CNTLN: variants seen among roughly 807,000 people sequenced by gnomAD.
CNTLN encodes centlein, centrosomal protein.
Under a neutral mutation model 180.0 loss-of-function variants are expected in CNTLN, and 212 were observed. The ratio of observed to expected loss-of-function variants is 1.18; its 90% confidence interval spans 1.05 to 1.32. The LOEUF is 1.32. Ranked by LOEUF, CNTLN falls within the 40% of genes most tolerant of loss-of-function variation. CNTLN has a pLI of 0.00. For missense variants in CNTLN, 2,095 were observed against 1,610.9 expected (o/e 1.30, Z -5.14); for synonymous variants, 722 against 563.1 (o/e 1.28, Z -3.99).
chr9:17,151,842 G>C (rs930309069), intron 2 of CNTLN, among the ~76,000 whole-genome samples: 14 of 152,138 alleles, frequency 9.2e-5, no homozygotes, highest in Non-Finnish European at 1.9e-4. Context: ...TTCAGAACTT[G>C]TTATTGGTCT....
intron 2 of CNTLN, among the ~76,000 whole-genome samples, chr9:17,152,834 C>T (rs1229586948): frequency 6.6e-6 from 1 of 152,186 alleles, no homozygotes. Context: ...TTTTATGAAT[C>T]TGGGTGTTCC....
chr9:17,149,580 C>T (rs1220006479), intron 2 of CNTLN, among the ~76,000 whole-genome samples: 3 of 140,824 alleles, frequency 2.1e-5, no homozygotes, highest in Admixed American at 7.6e-5. Flanking sequence ...TGCAGTGGCT[C>T]GATCTCAGCT....
At chr9:17,447,541 C>G (rs1830518657) in intron 18 of CNTLN, 1 of 154,820 alleles carries the variant, frequency 6.5e-6, no homozygotes, top group Admixed American at 6.5e-5. Context: ...CAAGGTGAAA[C>G]TATCAGCAGG....
At chr9:17,335,744 C>T (rs1321165607) in intron 10 of CNTLN, among the ~76,000 whole-genome samples, 1 of 151,804 alleles carries the variant, frequency 6.6e-6, no homozygotes, top group African/African-American at 2.4e-5. Flanking sequence ...TCAAGACCAG[C>T]CTGGACAACA....
intron 18 of CNTLN, chr9:17,447,034 C>T (rs1385822179): frequency 1.3e-5 from 2 of 157,148 alleles, no homozygotes; most frequent in Non-Finnish European, 2.8e-5. Flanking sequence ...TGCGGTATTT[C>T]ACATAGACTG....
intron 5 of CNTLN, among the ~76,000 whole-genome samples, chr9:17,242,638 G>T (rs1039260830): frequency 6.6e-6 from 1 of 152,156 alleles, no homozygotes; most frequent in Admixed American, 6.5e-5. Context: ...CTGTTGATAT[G>T]ATGTATCTCA....
chr9:17,335,457 C>T (rs1405818101), intron 10 of CNTLN, among the ~76,000 whole-genome samples: 1 of 152,138 alleles, frequency 6.6e-6, no homozygotes, highest in Non-Finnish European at 1.5e-5. Context: ...GCAGAGGTTG[C>T]AGTGAGTCGA....
At chr9:17,321,803 G>T (rs1819932623) in intron 8 of CNTLN, among the ~76,000 whole-genome samples, 1 of 151,888 alleles carries the variant, frequency 6.6e-6, no homozygotes, top group African/African-American at 2.4e-5. Flanking sequence ...CTTTTGTTTG[G>T]TTTTTATGAT....
chr9:17,265,646 C>T (rs57290709), intron 5 of CNTLN, among the ~76,000 whole-genome samples: 34,892 of 151,716 alleles, frequency 0.23, 4,665 homozygotes, highest in South Asian at 0.36. Context: ...TGGTAGAATT[C>T]GGCTGTGAAT....
Position 17,486,679 on chromosome 9 carries a change from C to G in CNTLN, c.4042-310C>G, listed in dbSNP as rs189481962. Among the ~76,000 whole-genome samples the G allele has an allele frequency of 2.5e-3, 387 of 152,126 alleles. 4 individuals are homozygous for G. The highest frequency in any genetic ancestry group is 8.9e-3 in the African/African-American group (371 of 41,522). Reference sequence around the variant, plus strand: ...CTGTAAATGATTCTTTTATATAACTCCATCTGATTTTTCACTTTAATTGCT... The same window carrying G: ...CTGTAAATGATTCTTTTATATAACTGCATCTGATTTTTCACTTTAATTGCT... On this transcript the variant is annotated intron_variant, in intron 24 of 25. Coordinates refer to ENST00000380647, the MANE Select transcript of CNTLN (RefSeq NM_017738.4).
chr9:17,409,275 C>A lies in CNTLN; in HGVS notation c.2616-18C>A. ...ACTTTTATTCTTGGATTTTATGTCC[C>A]TACTTTTTTCTAAAAAGCAGTGATT... On this transcript the variant is annotated intron_variant, in intron 15 of 25. Transcript: ENST00000380647. 2 of 1,601,200 alleles carry A rather than the reference C, an allele frequency of 1.2e-6. No homozygotes were observed. Among genetic ancestry groups the A allele is most frequent in the South Asian group, 1.1e-5 (1 of 87,848 alleles).
chr9:17,410,161 A>G (rs1827730467), intron 16 of CNTLN, among the ~76,000 whole-genome samples: 1 of 152,114 alleles, frequency 6.6e-6, no homozygotes, highest in South Asian at 2.1e-4. Flanking sequence ...ATGACTGCTG[A>G]TTGATTGATA....
At chr9:17,197,880 A>G (rs1822238785) in intron 2 of CNTLN, among the ~76,000 whole-genome samples, 1 of 152,190 alleles carries the variant, frequency 6.6e-6, no homozygotes, top group African/African-American at 2.4e-5. Flanking sequence ...TCTGAGATTT[A>G]AGTGTTTAAT....
At chr9:17,274,388 C>A (rs1317834037) in intron 6 of CNTLN, among the ~76,000 whole-genome samples, 1 of 151,730 alleles carries the variant, frequency 6.6e-6, no homozygotes, top group African/African-American at 2.4e-5. Flanking sequence ...TTGTAATTAC[C>A]TTTTCCAGAA....
intron 6 of CNTLN, among the ~76,000 whole-genome samples, chr9:17,284,475 G>A (rs1035876611): frequency 6.6e-6 from 1 of 151,922 alleles, no homozygotes; most frequent in African/African-American, 2.4e-5. Flanking sequence ...GCTTCTCCCT[G>A]GCTCAGTTTT....
At chr9:17,382,216 A>G (rs1195946669) in intron 13 of CNTLN, among the ~76,000 whole-genome samples, 1 of 152,164 alleles carries the variant, frequency 6.6e-6, no homozygotes, top group Non-Finnish European at 1.5e-5. Flanking sequence ...CAAATTTCAG[A>G]TTGTCCTTAT....
intron 15 of CNTLN, among the ~76,000 whole-genome samples, chr9:17,408,117 AGACTCT>A (rs1187561863): frequency 1.6e-5 from 2 of 125,000 alleles, no homozygotes; most frequent in African/African-American, 6.3e-5. Context: ...CAACAGAGTG[AGACTCT>A]GTCTCAAAAA....
chr9:17,274,605 G>C (rs551968648), intron 6 of CNTLN, among the ~76,000 whole-genome samples: 1 of 152,108 alleles, frequency 6.6e-6, no homozygotes, highest in South Asian at 2.1e-4. Context: ...GGTAGCACCA[G>C]AGCATGGGAT....
At chr9:17,254,185 G>C (rs752315740) in intron 5 of CNTLN, among the ~76,000 whole-genome samples, 1 of 151,566 alleles carries the variant, frequency 6.6e-6, no homozygotes, top group Non-Finnish European at 1.5e-5. Context: ...TTGGCCACTT[G>C]TATATCATCT....
Sources: allele counts gnomAD v4.1 joint callset (sites outside exome capture counted in the v4.1 genomes callset), GRCh38; gene constraint gnomAD v4.1.1; transcripts MANE v1.5; gene names NCBI Gene and HGNC (gene_info 2026-07-23, HGNC 2026-07-21).